EDEM2: variants seen among roughly 807,000 people sequenced by gnomAD.
The protein encoded by EDEM2 is ER degradation-enhancing alpha-mannosidase-like protein 2.
Under a neutral mutation model 64.8 loss-of-function variants are expected in EDEM2, and 39 were observed. That is an observed-to-expected ratio of 0.60 (90% CI 0.47 to 0.79). The LOEUF is 0.79. Among genes scored for constraint, EDEM2 ranks in the 30% least tolerant of loss-of-function variants. The probability of loss-of-function intolerance (pLI) is 0.00; values close to 1 mark genes in which losing one functional copy is unlikely to be tolerated. For synonymous variants in EDEM2, 296 were observed against 291.5 expected (o/e 1.02, Z -0.16); for missense variants, 609 against 731.3 (o/e 0.83, Z 1.93).
At chr20:35,125,752 C>T (rs1431489368) in intron 8 of EDEM2, among the ~76,000 whole-genome samples, 4 of 152,106 alleles carry the variant, frequency 2.6e-5, no homozygotes, top group Non-Finnish European at 5.9e-5. Context: ...TTTCTTAAAA[C>T]TTTTAAAAAC....
intron 4 of EDEM2, among the ~76,000 whole-genome samples, chr20:35,139,764 T>C (rs2146111501): frequency 6.6e-6 from 1 of 151,952 alleles, no homozygotes; most frequent in Middle Eastern, 3.4e-3. Context: ...CCAGAATCCA[T>C]GTAATAATAA....
intron 8 of EDEM2, 23 bp downstream of exon 8, chr20:35,126,228 T>A: frequency 1.2e-6 from 2 of 1,608,374 alleles, no homozygotes; most frequent in Middle Eastern, 1.9e-4. Context: ...AGAAAGATGA[T>A]CACATTCTTT....
intron 4 of EDEM2, among the ~76,000 whole-genome samples, chr20:35,138,633 G>A (rs895236602): frequency 1.3e-5 from 2 of 149,270 alleles, no homozygotes; most frequent in Non-Finnish European, 3.0e-5. Context: ...AGGCTGGAGT[G>A]CAGTGGCGCG....
In EDEM2 at chr20:35,126,278, G is replaced by C; in HGVS notation, c.942C>G (p.Ser314=). The part of the protein sequence containing the change: ...KGTVSMPVFQ[S]LEAYWPGLQS... ...GAAGACCAGGCCAGTAGGCCTCCAA[G>C]GACTGGAAGACTGGCATGGACACAG... Residue 314 remains serine, a synonymous_variant, in exon 8 of 11, where the codon TCC becomes TCG. Coordinates refer to ENST00000374492, the MANE Select transcript of EDEM2 (RefSeq NM_018217.3). 3 of 1,613,984 alleles carry C rather than the reference G, an allele frequency of 1.9e-6. No individual in the cohort carries two copies. The highest frequency in any genetic ancestry group is 2.5e-6 in the Non-Finnish European group (3 of 1,180,016).
At chr20:35,131,805 G>T in intron 6 of EDEM2, 22 bp from the exon 7 acceptor site, 1 of 1,608,604 alleles carries the variant, frequency 6.2e-7, no homozygotes, top group Non-Finnish European at 8.5e-7. Context: ...AAAGACACAC[G>T]GTCCCAACGG....
In EDEM2 at chr20:35,128,932, A is replaced by G. The variant is rs186570459; in HGVS notation, c.845-2557T>C. ...GTCAAAAAGTTTTTTAAAATTTTAA[A>G]GTTCATAAAGTAAAAAAGTTACAGT... On this transcript the variant is annotated intron_variant, in intron 7 of 10. Transcript: ENST00000374492. 2.6e-3 allele frequency among the ~76,000 whole-genome samples: 397 copies of G among 151,464 alleles called. 5 individuals are homozygous for G. The highest frequency in any genetic ancestry group is 1.3e-3 in the Non-Finnish European group (91 of 67,944).
At chr20:35,128,143 T>C (rs1446353039) in intron 7 of EDEM2, among the ~76,000 whole-genome samples, 1 of 151,920 alleles carries the variant, frequency 6.6e-6, no homozygotes, top group African/African-American at 2.4e-5. Flanking sequence ...CCCAGCACTT[T>C]GGGAGGGCGA....
chr20:35,145,395 G>C (rs147509877), intron 2 of EDEM2, among the ~76,000 whole-genome samples: 10 of 152,314 alleles, frequency 6.6e-5, no homozygotes, highest in Non-Finnish European at 8.8e-5. Flanking sequence ...GCTTAGAACA[G>C]CAAGAGGCTG....
intron 8 of EDEM2, 116 bp downstream of exon 8, chr20:35,126,135 C>A: frequency 3.7e-6 from 5 of 1,352,728 alleles, no homozygotes; most frequent in Non-Finnish European, 4.0e-6. Flanking sequence ...CTCAACCTGT[C>A]CCTCCAAAAA....
rs369370364 is a variant in EDEM2 at position 35,146,949 on chromosome 20, G to A, written c.108-14C>T. 1.2e-6 allele frequency: 2 copies of A among 1,610,334 alleles called. No homozygotes were observed. The highest frequency in any genetic ancestry group is 1.1e-5 in the South Asian group (1 of 90,450). On this transcript the variant is annotated splice_polypyrimidine_tract_variant and intron_variant, in intron 1 of 10. Transcript: ENST00000374492. ...TTGACTCGCTCCCTGGGTGGGGGAC[G>A]AGAAATCAGGCATGGGGCAAGAACA... is the stretch of plus-strand genomic sequence containing the variant.
chr20:35,135,012 C>G lies in EDEM2; in HGVS notation c.491-63G>C, dbSNP rs1022795294. On this transcript the variant is annotated intron_variant, in intron 5 of 10. Coordinates refer to ENST00000374492, the MANE Select transcript of EDEM2 (RefSeq NM_018217.3). The stretch of plus-strand genomic sequence containing the variant: ...GGGGGATAGGGATAGTTCTGATACA[C>G]GCCCAAAGCCTGGGACCTTAGCCAG... 24 of 1,521,036 alleles carry G rather than the reference C, an allele frequency of 1.6e-5. No homozygotes were observed. In the South Asian group the frequency reaches 2.5e-4, roughly 16 times the overall value. The allele number at this position is 1,521,036 out of a possible 1,614,324, so 94.2% of individuals were successfully genotyped here. A position where few individuals can be genotyped will look rare whatever the true frequency, so the allele number is the denominator to read the frequency against.
At chr20:35,131,192 A>G (rs1457795238) in intron 7 of EDEM2, among the ~76,000 whole-genome samples, 1 of 152,208 alleles carries the variant, frequency 6.6e-6, no homozygotes, top group Non-Finnish European at 1.5e-5. Flanking sequence ...GAAGGCATCA[A>G]GTGCTGTAGT....
chr20:35,116,729 C>T (rs1569172943), intron 10 of EDEM2, among the ~76,000 whole-genome samples: 2 of 152,030 alleles, frequency 1.3e-5, no homozygotes, highest in African/African-American at 2.4e-5. Flanking sequence ...AGTATTCCAT[C>T]GTGAAAATGG....
intron 7 of EDEM2, among the ~76,000 whole-genome samples, chr20:35,130,229 A>G (rs1421647067): frequency 6.6e-6 from 1 of 151,992 alleles, no homozygotes; most frequent in African/African-American, 2.4e-5. Flanking sequence ...CATCATGCCC[A>G]GCAAATTTTT....
chr20:35,134,940 G>A lies in EDEM2; in HGVS notation c.500C>T (p.Thr167Ile), dbSNP rs755732964. 6.2e-7 allele frequency: 1 copy of A among 1,614,000 alleles called. No homozygotes were observed. The highest frequency in any genetic ancestry group is 8.5e-7 in the Non-Finnish European group (1 of 1,180,026). The change falls in exon 6 of 11, where the codon ACC (threonine) becomes ATC (isoleucine). Residue 167 changes from threonine to isoleucine, a missense_variant. Thr to Ile is a moderately conservative substitution (Grantham distance 89, BLOSUM62 -1). Coordinates refer to ENST00000374492, the MANE Select transcript of EDEM2 (RefSeq NM_018217.3). ...AARKLLPAFQ[T>I]PTGMPYGTVN... ...TGTTCCATATGGCATGCCAGTGGGG[G>A]TCTGAAAGGCTGAACAATCGACAAA...
intron 10 of EDEM2, among the ~76,000 whole-genome samples, chr20:35,117,899 C>T (rs922307341): frequency 7.2e-5 from 11 of 152,084 alleles, no homozygotes; most frequent in Non-Finnish European, 1.2e-4. Flanking sequence ...GTAAATCCTA[C>T]CAAGGGTTCA....
intron 3 of EDEM2, among the ~76,000 whole-genome samples, chr20:35,142,826 C>T (rs577467227): frequency 2.0e-5 from 3 of 152,206 alleles, no homozygotes; most frequent in East Asian, 1.9e-4. Flanking sequence ...AGTGCAGTGG[C>T]GTGATCTTGG....
rs1265554852 is a variant in EDEM2, at chr20:35,142,366, C to T, written c.364+7G>A. Reference sequence around the variant, plus strand: ...TTCTTTTAAAGGTCCTAGAGAGCAGCCCTTACCTCGAATGTTTGTTTCAAA... The same window carrying T: ...TTCTTTTAAAGGTCCTAGAGAGCAGTCCTTACCTCGAATGTTTGTTTCAAA... On this transcript the variant is annotated splice_region_variant and intron_variant, in intron 4 of 10. Coordinates refer to ENST00000374492, the MANE Select transcript of EDEM2 (RefSeq NM_018217.3). 1 of 1,607,578 alleles carries T rather than the reference C, an allele frequency of 6.2e-7. No individual in the cohort carries two copies.
At chr20:35,124,134 C>T (rs1257522710) in intron 8 of EDEM2, 100 bp from the exon 9 acceptor site, 3 of 1,443,862 alleles carry the variant, frequency 2.1e-6, no homozygotes, top group African/African-American at 1.4e-5. Flanking sequence ...GCCAAAAAGG[C>T]CTTGAATCAA....
Sources: gnomAD v4.1 joint callset for allele counts (sites outside exome capture counted in the v4.1 genomes callset) on GRCh38, gnomAD v4.1.1 for gene constraint, MANE v1.5 for transcripts, NCBI Gene and HGNC (gene_info 2026-07-23, HGNC 2026-07-21) for gene names.